The following MTMR3 variants were observed in gnomAD, a reference collection of about 807,000 sequenced individuals.
MTMR3 encodes the protein phosphatidylinositol-3,5-bisphosphate 3-phosphatase MTMR3.
Under a neutral mutation model 132.4 loss-of-function variants are expected in MTMR3, and 32 were observed. The observed-to-expected ratio is 0.24, with a 90% CI of 0.18 to 0.32. The LOEUF (loss-of-function observed/expected upper bound fraction) is 0.32. Among genes scored for constraint, MTMR3 ranks in the 10% least tolerant of loss-of-function variants. MTMR3 has a pLI of 1.00. For missense variants in MTMR3, 1,216 were observed against 1,489.6 expected, an observed-to-expected ratio of 0.82 and a Z score of 3.02; for synonymous variants, 556 against 550.3, an observed-to-expected ratio of 1.01 and a Z score of -0.14.
intron 1 of MTMR3, among the ~76,000 whole-genome samples, chr22:29,896,371 C>G (rs1454813232): frequency 1.3e-5 from 2 of 152,128 alleles, no homozygotes; most frequent in Non-Finnish European, 2.9e-5. Flanking sequence ...GCCTGCCAAA[C>G]AAGGGTAGAA....
intron 1 of MTMR3, among the ~76,000 whole-genome samples, chr22:29,926,555 T>G (rs1339375394): frequency 2.6e-5 from 4 of 152,216 alleles, no homozygotes; most frequent in African/African-American, 9.6e-5. Flanking sequence ...CATTTGTGAT[T>G]ATCTGCCCTT....
At chr22:30,015,254 G>A (rs1305992252) in intron 14 of MTMR3, 3 of 149,250 alleles carry the variant, frequency 2.0e-5, no homozygotes, top group Non-Finnish European at 4.4e-5. Flanking sequence ...ATGGGGTCTT[G>A]CTTTGTTGCC....
intron 3 of MTMR3, among the ~76,000 whole-genome samples, chr22:29,975,957 T>A (rs938163142): frequency 1.3e-5 from 2 of 152,190 alleles, no homozygotes; most frequent in Non-Finnish European, 2.9e-5. Flanking sequence ...ACCATATCAG[T>A]GAACTTTTTG....
intron 1 of MTMR3, among the ~76,000 whole-genome samples, chr22:29,884,858 C>G (rs1687060087): frequency 6.6e-6 from 1 of 152,142 alleles, no homozygotes; most frequent in Non-Finnish European, 1.5e-5. Context: ...GCCACTGCCG[C>G]CAGCCAGAAT....
chr22:30,008,860 A>G (rs2067337652), intron 11 of MTMR3, 158 bp from the exon 12 acceptor site: 1 of 522,650 alleles, frequency 1.9e-6, no homozygotes, highest in East Asian at 3.1e-5. Flanking sequence ...TCCTCTTATT[A>G]TAAAGGATTG....
Position 30,020,136 on chromosome 22 carries a change from G to A in MTMR3, c.2477G>A (p.Cys826Tyr). 6.2e-7 allele frequency: 1 copy of A among 1,614,236 alleles called. No homozygotes were observed. ...AKVGYGTSQS[C>Y]SLLPSQVPFE... ...GTTGGCTATGGTACCTCACAGTCAT[G>A]TTCTCTGCTACCTTCCCAAGTCCCT... Residue 826 changes from cysteine (C) to tyrosine (Y), a missense_variant, in exon 17 of 20, where the codon TGT (cysteine) becomes TAT (tyrosine). By Grantham distance (194) the Cys-to-Tyr change is radical. Around this residue, in one of 7 missense-constraint regions of MTMR3, gnomAD observed 852 missense variants for 852.0 expected, o/e 1.00. Coordinates refer to ENST00000401950, the MANE Select transcript of MTMR3 (RefSeq NM_021090.4).
chr22:29,906,245 CGTCTGTCTGTCTGTCTGTCTGTCT>C (rs57375920), intron 1 of MTMR3, among the ~76,000 whole-genome samples: 3 of 107,024 alleles, frequency 2.8e-5, no homozygotes, highest in East Asian at 3.7e-4. Flanking sequence ...TCCATCCATC[CGTCTGTCTGTCTGTCTGTCTGTCT>C]GTCTGTCTGT....
intron 1 of MTMR3, among the ~76,000 whole-genome samples, chr22:29,946,085 A>G (rs1315533029): frequency 2.6e-5 from 4 of 151,956 alleles, no homozygotes; most frequent in African/African-American, 7.3e-5. Context: ...TTGAGAGTCA[A>G]TTTGATGGAA....
rs757038363 is a variant in MTMR3 at position 30,020,263 on chromosome 22, T to C, written c.2604T>C (p.Leu868=). ...SGPQGHHRSC[L]VNSGKDRLPQ... The stretch of plus-strand genomic sequence containing the variant: ...CCCAAGGTCATCATAGATCTTGCCT[T>C]GTAAATAGTGGCAAGGACAGGCTTC... The change falls in exon 17 of 20, where the codon CTT becomes CTC. Residue 868 remains leucine, a synonymous_variant. Coordinates refer to ENST00000401950, the MANE Select transcript of MTMR3 (RefSeq NM_021090.4). 6.2e-7 allele frequency: 1 copy of C among 1,614,142 alleles called. No individual in the cohort carries two copies. Among genetic ancestry groups the C allele is most frequent in the African/African-American group, 1.3e-5 (1 of 75,012 alleles).
chr22:29,970,497 C>CTTT lies in MTMR3; in HGVS notation c.-84-453_-84-451dup, dbSNP rs11326857. On this transcript the variant is annotated intron_variant, in intron 2 of 19. Coordinates refer to ENST00000401950, the MANE Select transcript of MTMR3 (RefSeq NM_021090.4). ...TACAGGCATGTGCTGCCATGACCAG[C>CTTT]TTTTTTTTTTTTTTTTTTTTTTTTT... Among the ~76,000 whole-genome samples the CTTT allele has an allele frequency of 5.2e-4, 30 of 57,788 alleles. 1 individual carries two copies. The highest frequency in any genetic ancestry group is 9.4e-4 in the African/African-American group (12 of 12,700). 37.9% of individuals were successfully genotyped at this position (57,788 alleles called of 152,430 possible). A position where few individuals can be genotyped will look rare whatever the true frequency, so the allele number is the denominator to read the frequency against.
chr22:29,901,235 G>A (rs959104043), intron 1 of MTMR3, among the ~76,000 whole-genome samples: 1 of 151,144 alleles, frequency 6.6e-6, no homozygotes, highest in African/African-American at 2.4e-5. Context: ...TAGGATGTAA[G>A]CACTAGGTAG....
chr22:29,939,953 C>T (rs1263597958), intron 1 of MTMR3, among the ~76,000 whole-genome samples: 1 of 152,204 alleles, frequency 6.6e-6, no homozygotes, highest in African/African-American at 2.4e-5. Flanking sequence ...CCCTCCCCGC[C>T]CTTGCGATCA....
chr22:29,890,865 A>G (rs1483072782), intron 1 of MTMR3, among the ~76,000 whole-genome samples: 1 of 152,134 alleles, frequency 6.6e-6, no homozygotes, highest in Non-Finnish European at 1.5e-5. Context: ...AATTTTGAGC[A>G]TTAAGCAGGT....
intron 1 of MTMR3, among the ~76,000 whole-genome samples, chr22:29,890,538 A>G (rs1255861858): frequency 1.3e-5 from 2 of 151,812 alleles, no homozygotes; most frequent in African/African-American, 2.4e-5. Context: ...AAAAAGTGGG[A>G]TTATTAGGTC....
At position 30,022,615 on chromosome 22, in the gene MTMR3, CG is replaced by C; in HGVS notation, c.3344del (p.Arg1115LeufsTer88). The C allele has an allele frequency of 6.2e-7, 1 of 1,613,034 alleles. No homozygotes were observed. The highest frequency in any genetic ancestry group is 8.5e-7 in the Non-Finnish European group (1 of 1,179,976). ...QVDKQDTEMT[R>X]WLPDHLAAHC... Reference sequence around the variant, plus strand: ...GGTCCCATCTGTTTTGCAGATGACCCGTTGGCTTCCTGACCACCTGGCCGCC... The same window carrying C: ...GGTCCCATCTGTTTTGCAGATGACCCTTGGCTTCCTGACCACCTGGCCGCC... On this transcript the variant is annotated frameshift_variant, in exon 19 of 20. Transcript: ENST00000401950. LOFTEE classifies it high-confidence loss of function.
At chr22:30,019,224 T>G in intron 16 of MTMR3, 1 of 341,892 alleles carries the variant, frequency 2.9e-6, no homozygotes, top group Non-Finnish European at 5.3e-6. Context: ...AAAAAGAAAA[T>G]AGCACTTGCT....
intron 1 of MTMR3, among the ~76,000 whole-genome samples, chr22:29,897,732 G>A (rs2064930597): frequency 6.6e-6 from 1 of 152,204 alleles, no homozygotes; most frequent in South Asian, 2.1e-4. Flanking sequence ...TTACAGGGGT[G>A]AGCCACTGTG....
chr22:29,919,224 A>C (rs755982089), intron 1 of MTMR3, among the ~76,000 whole-genome samples: 2 of 152,154 alleles, frequency 1.3e-5, no homozygotes, highest in East Asian at 1.9e-4. Flanking sequence ...TGGGGGAAAA[A>C]GTTTTCTCTA....
chr22:29,920,222 AAAC>A (rs1282891041), intron 1 of MTMR3, among the ~76,000 whole-genome samples: 2 of 150,400 alleles, frequency 1.3e-5, no homozygotes, highest in Non-Finnish European at 3.0e-5. Flanking sequence ...TCAAAAAAAA[AAAC>A]AAAAAACCCA....
Sources: gnomAD v4.1 joint callset for allele counts (sites outside exome capture counted in the v4.1 genomes callset) on GRCh38, gnomAD v4.1.1 for gene constraint, gnomAD v4.1.1 regional missense constraint, MANE v1.5 for transcripts, NCBI Gene and HGNC (gene_info 2026-07-23, HGNC 2026-07-21) for gene names.